The following ABCA12 variants were observed in gnomAD, a reference collection of about 807,000 sequenced individuals.
The protein encoded by ABCA12 is glucosylceramide transporter ABCA12.
Under a neutral mutation model 293.5 loss-of-function variants are expected in ABCA12, and 156 were observed. The ratio of observed to expected loss-of-function variants is 0.53; its 90% confidence interval spans 0.47 to 0.61. The LOEUF (loss-of-function observed/expected upper bound fraction) is 0.61, where lower values mean the gene tolerates loss of function less well. Ranked by LOEUF, ABCA12 falls within the 20% of genes least tolerant of loss-of-function variation. The pLI, the probability that ABCA12 is intolerant of heterozygous loss-of-function variation, is 0.00. For synonymous variants in ABCA12, 1,063 were observed against 1,108.0 expected (o/e 0.96, Z 0.81); for missense variants, 2,797 against 3,090.2 (o/e 0.91, Z 2.25).
rs1559119536 is a variant in ABCA12, at chr2:214,966,831, T to C, written c.5884+17A>G. The C allele has an allele frequency of 6.2e-7, 1 of 1,611,418 alleles. No individual in the cohort carries two copies. On this transcript the variant is annotated intron_variant, in intron 39 of 52. Coordinates refer to ENST00000272895, the MANE Select transcript of ABCA12 (RefSeq NM_173076.3). ...CAGAAGTTGCAATACAGGACACTTT[T>C]GTGTTAGTAACTTTACCATGTCGGG...
At chr2:215,007,626 G>A in intron 19 of ABCA12, 101 bp downstream of exon 19, 1 of 1,441,270 alleles carries the variant, frequency 6.9e-7, no homozygotes, top group Non-Finnish European at 9.7e-7. Context: ...TTAATCTGTT[G>A]AATACGGAAA....
chr2:215,004,174 A>C (rs1438092563), intron 20 of ABCA12, 35 bp downstream of exon 20: 1 of 1,523,370 alleles, frequency 6.6e-7, no homozygotes, highest in East Asian at 2.3e-5. Flanking sequence ...GTCCGACATG[A>C]CTCATGAATA....
At chr2:215,083,465 G>A (rs1429935508) in intron 2 of ABCA12, among the ~76,000 whole-genome samples, 1 of 152,140 alleles carries the variant, frequency 6.6e-6, no homozygotes, top group Non-Finnish European at 1.5e-5. Flanking sequence ...CAGAGTGTCC[G>A]ATGGTTTTAG....
At chr2:215,017,415 CAA>C (rs1311499786) in intron 14 of ABCA12, among the ~76,000 whole-genome samples, 1 of 152,190 alleles carries the variant, frequency 6.6e-6, no homozygotes, top group African/African-American at 2.4e-5. Flanking sequence ...ACTACAACCA[CAA>C]ACTTACCCTT....
intron 1 of ABCA12, among the ~76,000 whole-genome samples, chr2:215,129,558 C>T (rs1383669097): frequency 2.0e-5 from 3 of 152,126 alleles, no homozygotes; most frequent in African/African-American, 7.2e-5. Context: ...ATATCCTTTG[C>T]CCAGTTTCTA....
At chr2:215,108,712 A>T (rs80192849) in intron 2 of ABCA12, among the ~76,000 whole-genome samples, 6,270 of 152,276 alleles carry the variant, frequency 0.041, 447 homozygotes, top group African/African-American at 0.14. Flanking sequence ...AGAGCAATTT[A>T]AAAAACAGGA....
chr2:215,041,838 G>T (rs746858880), intron 7 of ABCA12, among the ~76,000 whole-genome samples: 14 of 152,152 alleles, frequency 9.2e-5, no homozygotes, highest in African/African-American at 3.4e-4. Context: ...ACTTAAAAAA[G>T]AATGCATTTT....
At chr2:215,016,632 A>C (rs1169269706) in intron 14 of ABCA12, among the ~76,000 whole-genome samples, 1 of 140,094 alleles carries the variant, frequency 7.1e-6, no homozygotes, top group African/African-American at 2.6e-5. Flanking sequence ...CTCCCTTTAA[A>C]ATCTCACTCT....
At chr2:214,936,208 G>A (rs549519878) in intron 51 of ABCA12, among the ~76,000 whole-genome samples, 5 of 152,306 alleles carry the variant, frequency 3.3e-5, no homozygotes, top group African/African-American at 9.6e-5. Context: ...GATCTGGCAT[G>A]TGAATCATTC....
rs1158548693 is a variant in ABCA12 at position 215,017,871 on chromosome 2, A to C, written c.1782+137T>G. Reference sequence around the variant, plus strand: ...TTCTTCTATCTTTAATGAGGCCTCCAGGTTTATCACTTGCATAGAAAATTC... The same window carrying C: ...TTCTTCTATCTTTAATGAGGCCTCCCGGTTTATCACTTGCATAGAAAATTC... On this transcript the variant is annotated intron_variant, in intron 14 of 52. Coordinates refer to ENST00000272895, the MANE Select transcript of ABCA12 (RefSeq NM_173076.3). 10 of 1,223,380 alleles carry C rather than the reference A, an allele frequency of 8.2e-6. No homozygotes were observed. In the Admixed American group the frequency reaches 2.0e-4, roughly 24 times the overall value. 75.8% of individuals were successfully genotyped at this position (1,223,380 alleles called of 1,614,324 possible). A position where few individuals can be genotyped will look rare whatever the true frequency, so the allele number is the denominator to read the frequency against.
At chr2:215,025,633 T>G (rs1700725370) in intron 11 of ABCA12, 40 bp downstream of exon 11, 1 of 1,408,726 alleles carries the variant, frequency 7.1e-7, no homozygotes, top group African/African-American at 1.5e-5. Context: ...TTTTTGTTTT[T>G]TTTTTTGTTT....
At chr2:215,122,157 T>C (rs1338796531) in intron 1 of ABCA12, among the ~76,000 whole-genome samples, 1 of 152,228 alleles carries the variant, frequency 6.6e-6, no homozygotes, top group African/African-American at 2.4e-5. Context: ...TTAACTCCTC[T>C]ATTGCTCCCA....
rs546370671 is a variant in ABCA12 at position 215,090,775 on chromosome 2, C to T, written c.163+20822G>A. On this transcript the variant is annotated intron_variant, in intron 2 of 52. Transcript: ENST00000272895. ...AGTACCCACTGCCCTCTCTCCATGT[C>T]TCTACCCTCTTTTATCTAGATTTAC... Among the ~76,000 whole-genome samples, 123 of 152,266 alleles carry T rather than the reference C, an allele frequency of 8.1e-4. 1 individual carries two copies. The highest frequency in any genetic ancestry group is 2.8e-3 in the African/African-American group (115 of 41,556).
intron 2 of ABCA12, among the ~76,000 whole-genome samples, chr2:215,088,903 G>GATTCATTGATTTAACCATTCC: frequency 6.6e-6 from 1 of 152,038 alleles, no homozygotes; most frequent in Non-Finnish European, 1.5e-5. Flanking sequence ...AAACTTTATT[G>GATTCATTGATTTAACCATTCC]ATTCATTGAT....
intron 1 of ABCA12, among the ~76,000 whole-genome samples, chr2:215,114,498 C>A (rs73074500): frequency 3.0e-4 from 45 of 152,188 alleles, no homozygotes; most frequent in Non-Finnish European, 5.4e-4. Flanking sequence ...AGTCATATAT[C>A]CAATTGTGAG....
intron 8 of ABCA12, 130 bp from the exon 9 acceptor site, chr2:215,032,026 G>T (rs1700889814): frequency 7.1e-6 from 11 of 1,547,928 alleles, no homozygotes; most frequent in Non-Finnish European, 6.9e-6. Flanking sequence ...ATTCTCAAAA[G>T]AATTGTATAA....
intron 2 of ABCA12, among the ~76,000 whole-genome samples, chr2:215,102,974 T>C (rs1264521626): frequency 6.6e-6 from 1 of 152,260 alleles, no homozygotes; most frequent in African/African-American, 2.4e-5. Flanking sequence ...GAACAATTAT[T>C]GATCTTGATC....
chr2:214,931,628 C>T lies in ABCA12; in HGVS notation c.*1006G>A, dbSNP rs1698060439. The T allele has an allele frequency of 6.6e-6, 1 of 152,642 alleles. No homozygotes were observed. Among genetic ancestry groups the T allele is most frequent in the Admixed American group, 6.5e-5 (1 of 15,270 alleles). The allele number at this position is 152,642 out of a possible 1,614,324, so 9.5% of individuals were successfully genotyped here. A position where few individuals can be genotyped will look rare whatever the true frequency, so the allele number is the denominator to read the frequency against. On this transcript the variant is annotated 3_prime_UTR_variant, in exon 53 of 53. Transcript: ENST00000272895. Reference sequence around the variant, plus strand: ...AAACTTGTATAGATACACACACATACACGCACACACGGTACATAAAGCACC... The same window carrying T: ...AAACTTGTATAGATACACACACATATACGCACACACGGTACATAAAGCACC...
intron 51 of ABCA12, among the ~76,000 whole-genome samples, chr2:214,937,093 G>A (rs2105910627): frequency 6.6e-6 from 1 of 152,276 alleles, no homozygotes; most frequent in Non-Finnish European, 1.5e-5. Flanking sequence ...TAATAAAGCT[G>A]TAGTCAACTT....
Sources: allele counts gnomAD v4.1 joint callset (sites outside exome capture counted in the v4.1 genomes callset), GRCh38; gene constraint gnomAD v4.1.1; transcripts MANE v1.5; gene names NCBI Gene and HGNC (gene_info 2026-07-23, HGNC 2026-07-21).